GRAMD1B: variants seen among roughly 807,000 people sequenced by gnomAD.
GRAMD1B encodes GRAM domain containing 1B.
Under a neutral mutation model 99.7 loss-of-function variants are expected in GRAMD1B, and 37 were observed. The ratio of observed to expected loss-of-function variants is 0.37; its 90% confidence interval spans 0.29 to 0.49. The LOEUF (loss-of-function observed/expected upper bound fraction) is 0.49, where lower values mean the gene tolerates loss of function less well. Among genes scored for constraint, GRAMD1B ranks in the 20% least tolerant of loss-of-function variants. GRAMD1B has a pLI of 0.98. For synonymous variants in GRAMD1B, 427 were observed against 387.6 expected, an observed-to-expected ratio of 1.10 and a Z score of -1.19; for missense variants, 888 against 1,009.2, an observed-to-expected ratio of 0.88 and a Z score of 1.63.
intron 2 of GRAMD1B, among the ~76,000 whole-genome samples, chr11:123,524,553 C>G (rs930424235): frequency 6.6e-6 from 1 of 152,058 alleles, no homozygotes; most frequent in Admixed American, 6.6e-5. Flanking sequence ...GTTGGCCAGG[C>G]TGGTCTCAAA....
At chr11:123,496,240 G>A (rs949560046) in intron 2 of GRAMD1B, among the ~76,000 whole-genome samples, 1 of 152,012 alleles carries the variant, frequency 6.6e-6, no homozygotes, top group African/African-American at 2.4e-5. Flanking sequence ...CTATTCTAGG[G>A]TAAAAGGTTT....
chr11:123,619,859 G>T (rs1234241040), intron 19 of GRAMD1B, among the ~76,000 whole-genome samples: 1 of 152,166 alleles, frequency 6.6e-6, no homozygotes, highest in Non-Finnish European at 1.5e-5. Flanking sequence ...CCTCCATGTG[G>T]TTGCCTAGAG....
intron 16 of GRAMD1B, 37 bp from the exon 17 acceptor site, chr11:123,614,708 G>A (rs767884973): frequency 2.3e-6 from 3 of 1,299,608 alleles, no homozygotes; most frequent in Non-Finnish European, 3.3e-6. Flanking sequence ...GGACTTGTGG[G>A]TCACCATGGT....
chr11:123,406,581 G>T (rs962132649), intron 1 of GRAMD1B, among the ~76,000 whole-genome samples: 1 of 152,064 alleles, frequency 6.6e-6, no homozygotes, highest in Non-Finnish European at 1.5e-5. Flanking sequence ...AATTGTTAGG[G>T]GTGAAGAATT....
intron 2 of GRAMD1B, among the ~76,000 whole-genome samples, chr11:123,552,273 C>CTTT (rs71060514): frequency 5.9e-5 from 7 of 119,328 alleles, no homozygotes; most frequent in East Asian, 4.9e-4. Flanking sequence ...CTCTTTCTTT[C>CTTT]TTTTTTTTTT....
intron 1 of GRAMD1B, among the ~76,000 whole-genome samples, chr11:123,457,430 C>T (rs934872763): frequency 6.6e-6 from 1 of 152,224 alleles, no homozygotes; most frequent in African/African-American, 2.4e-5. Context: ...GCCAGCAACT[C>T]CCTTCTTTCT....
chr11:123,372,766 G>C (rs1326775108), intron 1 of GRAMD1B, among the ~76,000 whole-genome samples: 4 of 152,140 alleles, frequency 2.6e-5, no homozygotes, highest in Non-Finnish European at 5.9e-5. Flanking sequence ...ATATGCATAT[G>C]AATAGCAAAT....
rs189838870 is a variant in GRAMD1B, at chr11:123,465,817, G to T, written c.375-14999G>T. Among the ~76,000 whole-genome samples the T allele has an allele frequency of 2.1e-3, 318 of 152,058 alleles. 2 individuals are homozygous for T. The highest frequency in any genetic ancestry group is 2.1e-3 in the Non-Finnish European group (143 of 67,966). On this transcript the variant is annotated intron_variant, in intron 1 of 19. Transcript: ENST00000635736. ...ACACACTTAGGAATATTGTTTGAGG[G>T]TTCTTGGTGGAGAGGAAGTTGGGAC...
At chr11:123,546,011 A>G (rs1411990017) in intron 2 of GRAMD1B, among the ~76,000 whole-genome samples, 2 of 152,230 alleles carry the variant, frequency 1.3e-5, no homozygotes, top group African/African-American at 4.8e-5. Flanking sequence ...CCACCAGGCA[A>G]TGTGGACAGC....
intron 2 of GRAMD1B, among the ~76,000 whole-genome samples, chr11:123,540,087 T>A (rs1442810815): frequency 6.6e-6 from 1 of 151,766 alleles, no homozygotes; most frequent in African/African-American, 2.4e-5. Context: ...TTTTTTTTTT[T>A]GAGATAAGGT....
At chr11:123,468,796 A>C (rs78367317) in intron 1 of GRAMD1B, among the ~76,000 whole-genome samples, 3 of 25,374 alleles carry the variant, frequency 1.2e-4, no homozygotes, top group South Asian at 1.1e-3. Context: ...ACCCTGTATC[A>C]AAAAAAAAAA....
intron 2 of GRAMD1B, among the ~76,000 whole-genome samples, chr11:123,499,554 C>T (rs995317271): frequency 6.6e-6 from 1 of 152,216 alleles, no homozygotes; most frequent in African/African-American, 2.4e-5. Context: ...CTGTCACCAA[C>T]TTTCCAGGTT....
chr11:123,444,589 G>GT (rs61570423), intron 1 of GRAMD1B, among the ~76,000 whole-genome samples: 5 of 151,282 alleles, frequency 3.3e-5, no homozygotes, highest in East Asian at 3.9e-4. Flanking sequence ...GCCCGAATTA[G>GT]TTTTTTTTTT....
chr11:123,459,742 T>C (rs1166978765), intron 1 of GRAMD1B: 1 of 152,174 alleles, frequency 6.6e-6, no homozygotes, highest in Admixed American at 6.6e-5. Context: ...CACAACTATC[T>C]TTATACTTTA....
intron 4 of GRAMD1B, among the ~76,000 whole-genome samples, chr11:123,585,676 C>T (rs546170442): frequency 1.3e-5 from 2 of 152,238 alleles, no homozygotes; most frequent in South Asian, 4.1e-4. Flanking sequence ...GACCCGCAGC[C>T]CAGCTGTCAT....
chr11:123,361,208 A>G (rs542252915), intron 1 of GRAMD1B, among the ~76,000 whole-genome samples: 7 of 152,278 alleles, frequency 4.6e-5, no homozygotes, highest in Admixed American at 4.6e-4. Context: ...ATGTCCTTGC[A>G]GATTAGCTCA....
chr11:123,590,094 G>A (rs996152217), intron 4 of GRAMD1B, among the ~76,000 whole-genome samples: 1 of 152,176 alleles, frequency 6.6e-6, no homozygotes, highest in African/African-American at 2.4e-5. Context: ...CAAAATCTGT[G>A]CTTTTAGTAT....
intron 2 of GRAMD1B, among the ~76,000 whole-genome samples, chr11:123,498,031 G>A (rs1939494222): frequency 6.6e-6 from 1 of 151,722 alleles, no homozygotes; most frequent in South Asian, 2.1e-4. Flanking sequence ...CGGCCAACAG[G>A]GGGTTTTGCC....
intron 2 of GRAMD1B, among the ~76,000 whole-genome samples, chr11:123,566,952 G>A (rs1438508371): frequency 6.6e-6 from 1 of 152,164 alleles, no homozygotes; most frequent in Non-Finnish European, 1.5e-5. Flanking sequence ...AAGAAAACAA[G>A]ACAATTTCCG....
Sources: gnomAD v4.1 joint callset for allele counts (sites outside exome capture counted in the v4.1 genomes callset) on GRCh38, gnomAD v4.1.1 for gene constraint, MANE v1.5 for transcripts, NCBI Gene and HGNC (gene_info 2026-07-23, HGNC 2026-07-21) for gene names.